SMG6: variants seen among roughly 807,000 people sequenced by gnomAD.
SMG6 encodes SMG6 nonsense mediated mRNA decay factor, also known as telomerase-binding protein EST1A.
In SMG6, 66 loss-of-function variants were observed where a neutral mutation model predicts 142.2. The observed-to-expected ratio is 0.46, with a 90% CI of 0.38 to 0.57. SMG6 has a LOEUF of 0.57. SMG6 is among the 20% of genes least tolerant of loss of function. The pLI, the probability that SMG6 is intolerant of heterozygous loss-of-function variation, is 0.00. For missense variants in SMG6, 1,793 were observed against 1,832.0 expected (o/e 0.98, Z 0.39); for synonymous variants, 779 against 702.4 (o/e 1.11, Z -1.72).
chr17:2,264,457 T>C (rs914808990), intron 8 of SMG6, among the ~76,000 whole-genome samples: 1 of 152,176 alleles, frequency 6.6e-6, no homozygotes, highest in Non-Finnish European at 1.5e-5. Context: ...CTCAAAATCA[T>C]CTGGATATTA....
At position 2,299,101 on chromosome 17, in the gene SMG6, G is replaced by A. The variant is rs752186147; in HGVS notation, c.1652C>T (p.Ser551Leu). The A allele has an allele frequency of 6.2e-7, 1 of 1,614,156 alleles. No individual in the cohort carries two copies. Among genetic ancestry groups the A allele is most frequent in the Non-Finnish European group, 8.5e-7 (1 of 1,180,004 alleles). ...GPYYPGYPTP[S>L]GQYVCSPLPT... The stretch of plus-strand genomic sequence containing the variant: ...TAGAGGGCTACACACATACTGTCCT[G>A]ACGGAGTCGGGTAGCCTGGGTAGTA... The change falls in exon 2 of 19, where the codon TCA (serine) becomes TTA (leucine). Residue 551 changes from serine to leucine, a missense_variant. Ser to Leu is a moderately radical substitution (Grantham distance 145). Transcript: ENST00000263073. The surrounding 1 kb of genome is among the most constrained non-coding windows in gnomAD (Gnocchi z 4.3).
intron 10 of SMG6, among the ~76,000 whole-genome samples, chr17:2,199,352 G>A (rs914449166): frequency 6.6e-5 from 10 of 151,892 alleles, no homozygotes; most frequent in Non-Finnish European, 1.5e-4. Flanking sequence ...TTTATTTTTG[G>A]CCAGGCATGG....
chr17:2,216,108 T>C (rs2151756879), intron 10 of SMG6: 1 of 152,140 alleles, frequency 6.6e-6, no homozygotes, highest in East Asian at 1.9e-4. Context: ...AGCGCACACA[T>C]AGAGGTATTT....
intron 13 of SMG6, among the ~76,000 whole-genome samples, chr17:2,164,237 A>C (rs534923449): frequency 4.8e-4 from 73 of 151,622 alleles, no homozygotes; most frequent in South Asian, 4.6e-3. Flanking sequence ...AGCTTGGCCA[A>C]CATGGTGAAA....
intron 9 of SMG6, among the ~76,000 whole-genome samples, chr17:2,244,283 C>G (rs554950671): frequency 3.2e-4 from 49 of 152,290 alleles, no homozygotes; most frequent in African/African-American, 1.2e-3. Flanking sequence ...CAGTATTCTT[C>G]CCAAGGAGGA....
At chr17:2,128,817 C>CAAAAA (rs367580981) in intron 13 of SMG6, among the ~76,000 whole-genome samples, 12 of 73,050 alleles carry the variant, frequency 1.6e-4, no homozygotes, top group East Asian at 8.0e-4. Context: ...GAGCAAGACT[C>CAAAAA]AAAAAAAAAA....
At chr17:2,090,404 G>A (rs1425754410) in intron 13 of SMG6, among the ~76,000 whole-genome samples, 1 of 152,056 alleles carries the variant, frequency 6.6e-6, no homozygotes, top group Non-Finnish European at 1.5e-5. Context: ...CATGTGCTCT[G>A]AGTTGCAAGA....
chr17:2,140,759 T>C (rs948259884), intron 13 of SMG6, among the ~76,000 whole-genome samples: 3 of 151,940 alleles, frequency 2.0e-5, no homozygotes, highest in African/African-American at 4.8e-5. Flanking sequence ...TAGTATTCAA[T>C]TAAAAAAAAA....
At chr17:2,069,554 C>T (rs1209956704) in intron 15 of SMG6, among the ~76,000 whole-genome samples, 1 of 152,130 alleles carries the variant, frequency 6.6e-6, no homozygotes, top group African/African-American at 2.4e-5. Flanking sequence ...CGAGATCACA[C>T]CACTGCACTC....
chr17:2,291,148 A>C, intron 6 of SMG6, among the ~76,000 whole-genome samples: 1 of 152,132 alleles, frequency 6.6e-6, no homozygotes, highest in Admixed American at 6.5e-5. Context: ...TGGCTAACAC[A>C]ATGAAACCCC....
At chr17:2,176,942 A>G (rs1436855158) in intron 12 of SMG6, among the ~76,000 whole-genome samples, 1 of 152,222 alleles carries the variant, frequency 6.6e-6, no homozygotes, top group Non-Finnish European at 1.5e-5. Flanking sequence ...GGTTTAATGT[A>G]TCTGTCAGTT....
intron 13 of SMG6, among the ~76,000 whole-genome samples, chr17:2,102,407 A>G (rs2069034109): frequency 6.6e-6 from 1 of 151,654 alleles, no homozygotes; most frequent in Non-Finnish European, 1.5e-5. Flanking sequence ...CCCAGGCTGG[A>G]GTGCAGTGGT....
intron 10 of SMG6, among the ~76,000 whole-genome samples, chr17:2,199,354 C>A (rs2072439360): frequency 1.3e-5 from 2 of 151,864 alleles, no homozygotes; most frequent in Non-Finnish European, 2.9e-5. Flanking sequence ...TATTTTTGGC[C>A]AGGCATGGTG....
intron 13 of SMG6, among the ~76,000 whole-genome samples, chr17:2,128,488 C>T (rs1446024738): frequency 1.3e-5 from 2 of 152,142 alleles, no homozygotes. Context: ...ATTCTGATGT[C>T]AACGGTATTA....
intron 14 of SMG6, among the ~76,000 whole-genome samples, chr17:2,083,595 G>A (rs1038278983): frequency 9.9e-5 from 15 of 152,218 alleles, no homozygotes; most frequent in African/African-American, 3.4e-4. Flanking sequence ...GTGTCACAGC[G>A]CTCACCTCCA....
intron 13 of SMG6, among the ~76,000 whole-genome samples, chr17:2,139,431 T>TTTTTC (rs1400946912): frequency 2.5e-4 from 37 of 150,818 alleles, no homozygotes; most frequent in Non-Finnish European, 5.0e-4. Context: ...TTTTCTTTTT[T>TTTTTC]TTTTTTTTGA....
chr17:2,210,760 A>T (rs2072827233), intron 10 of SMG6, among the ~76,000 whole-genome samples: 1 of 132,106 alleles, frequency 7.6e-6, no homozygotes, highest in African/African-American at 3.3e-5. Context: ...CAAAAGCTTT[A>T]AAAAAAAATA....
intron 4 of SMG6, among the ~76,000 whole-genome samples, chr17:2,293,935 T>C (rs1186254301): frequency 1.3e-5 from 2 of 152,210 alleles, no homozygotes; most frequent in Admixed American, 6.5e-5. Flanking sequence ...ACTGATTGGC[T>C]TGGCATCTGT....
At chr17:2,200,324 C>A (rs1282397760) in intron 10 of SMG6, among the ~76,000 whole-genome samples, 1 of 152,056 alleles carries the variant, frequency 6.6e-6, no homozygotes, top group African/African-American at 2.4e-5. Context: ...CCTGCATATA[C>A]CTTTTTTAAA....
Sources: allele counts gnomAD v4.1 joint callset (sites outside exome capture counted in the v4.1 genomes callset), GRCh38; gene constraint gnomAD v4.1.1; non-coding constraint Gnocchi (gnomAD v3.1); transcripts MANE v1.5; gene names NCBI Gene and HGNC (gene_info 2026-07-23, HGNC 2026-07-21).